Variants in FBN2 observed in about 807,000 individuals in gnomAD.
FBN2 encodes fibrillin-2.
A neutral mutation model predicts 355.6 loss-of-function variants in FBN2; 105 were observed. The ratio of observed to expected loss-of-function variants is 0.30; its 90% CI spans 0.25 to 0.35. The LOEUF (loss-of-function observed/expected upper bound fraction) is 0.35. FBN2 is among the 10% of genes least tolerant of loss of function. The pLI is 1.00. For missense variants in FBN2, 3,280 were observed against 3,758.7 expected (o/e 0.87, Z 3.33); for synonymous variants, 1,350 against 1,301.2 (o/e 1.04, Z -0.81).
intron 5 of FBN2, among the ~76,000 whole-genome samples, chr5:128,472,395 G>T (rs1754885295): frequency 6.6e-6 from 1 of 152,048 alleles, no homozygotes; most frequent in African/African-American, 2.4e-5. Flanking sequence ...TTGTTTGAGG[G>T]GTAAGGAGAT....
intron 4 of FBN2, among the ~76,000 whole-genome samples, chr5:128,526,579 T>C (rs1216109649): frequency 6.6e-6 from 1 of 152,110 alleles, no homozygotes; most frequent in Non-Finnish European, 1.5e-5. Context: ...TGACACATGC[T>C]AAAACACGGA....
intron 8 of FBN2, among the ~76,000 whole-genome samples, chr5:128,406,626 T>G (rs1413650093): frequency 1.3e-5 from 2 of 152,174 alleles, no homozygotes; most frequent in East Asian, 3.9e-4. Context: ...AGATGGCTAC[T>G]AAGTGACTAG....
rs536572224 is a variant in FBN2, at chr5:128,297,553, C to T, written c.6166+3264G>A. On this transcript the variant is annotated intron_variant, in intron 48 of 64. Coordinates refer to ENST00000262464, the MANE Select transcript of FBN2 (RefSeq NM_001999.4). ...GGGTGCATATATATTTAGGACAGTTCACTCTTCTTGTTGAATTGATCCCTT... is the reference window on the plus strand; with the variant it reads ...GGGTGCATATATATTTAGGACAGTTTACTCTTCTTGTTGAATTGATCCCTT... Among the ~76,000 whole-genome samples, 10 of 152,264 alleles carry T rather than the reference C, an allele frequency of 6.6e-5. No individual in the cohort carries two copies. In the East Asian group the frequency reaches 1.9e-3, roughly 29 times the overall value.
At chr5:128,511,205 C>G (rs1278440099) in intron 5 of FBN2, among the ~76,000 whole-genome samples, 1 of 152,114 alleles carries the variant, frequency 6.6e-6, no homozygotes, top group Non-Finnish European at 1.5e-5. Flanking sequence ...CTAAGAGATT[C>G]CACCCTTCAT....
intron 5 of FBN2, among the ~76,000 whole-genome samples, chr5:128,492,639 C>T (rs1400165480): frequency 6.6e-6 from 1 of 151,760 alleles, no homozygotes; most frequent in African/African-American, 2.4e-5. Context: ...CCTGTCTCTA[C>T]TAAAAATACA....
Position 128,310,046 on chromosome 5 carries a change from C to G in FBN2, c.5137G>C (p.Gly1713Arg), listed in dbSNP as rs753594825. Residue 1713 changes from glycine to arginine, a missense_variant, in exon 40 of 65, where the codon GGA becomes CGA. Coordinates refer to ENST00000262464, the MANE Select transcript of FBN2 (RefSeq NM_001999.4). ...GGTGGGCAAATGCAGGTGTAATTTC[C>G]CAGGGTGTTATAGCAGGTCCCAGGC... ...CGPGTCYNTL[G>R]NYTCICPPEY... 1.2e-6 allele frequency: 2 copies of G among 1,613,768 alleles called. No individual in the cohort carries two copies. The highest frequency in any genetic ancestry group is 2.2e-5 in the South Asian group (2 of 91,058).
rs1355994517 is a variant in FBN2 at position 128,286,857 on chromosome 5, A to C, written c.6881-8T>G. On this transcript the variant is annotated splice_polypyrimidine_tract_variant and splice_region_variant and intron_variant, in intron 54 of 64. Transcript: ENST00000262464. ...CAGCACATTCATCCAGATCTAGAAC[A>C]AAAAATAAAAATTAAAAATTATCTG... 2.8e-5 allele frequency: 45 copies of C among 1,613,572 alleles called. No homozygotes were observed. The highest frequency in any genetic ancestry group is 3.7e-5 in the Non-Finnish European group (44 of 1,179,700).
At chr5:128,362,428 C>T (rs1016723080) in intron 18 of FBN2, among the ~76,000 whole-genome samples, 1 of 152,180 alleles carries the variant, frequency 6.6e-6, no homozygotes, top group African/African-American at 2.4e-5. Context: ...TAGAGAATAT[C>T]ATCTAAAACT....
chr5:128,444,814 G>A (rs571440483), intron 7 of FBN2, among the ~76,000 whole-genome samples: 3 of 152,170 alleles, frequency 2.0e-5, no homozygotes, highest in Non-Finnish European at 4.4e-5. Context: ...TACATTGTTC[G>A]ATGTGCATTA....
At chr5:128,408,888 ATTCATGGTT>A in intron 7 of FBN2, 89 bp from the exon 8 acceptor site, 1 of 1,432,946 alleles carries the variant, frequency 7.0e-7, no homozygotes, top group South Asian at 1.2e-5. Context: ...GTATGAGAGC[ATTCATGGTT>A]GATTAGGTCA....
intron 5 of FBN2, among the ~76,000 whole-genome samples, chr5:128,485,941 G>C (rs548070500): frequency 5.9e-4 from 90 of 152,182 alleles, no homozygotes; most frequent in Non-Finnish European, 1.0e-3. Context: ...TAAGAACACA[G>C]TGCTTCTAAA....
intron 11 of FBN2, among the ~76,000 whole-genome samples, chr5:128,379,893 A>G (rs768355018): frequency 2.0e-5 from 3 of 152,124 alleles, no homozygotes; most frequent in Non-Finnish European, 2.9e-5. Flanking sequence ...GAACATAACA[A>G]TAAAATCAGT....
At chr5:128,516,063 C>G (rs6887851) in intron 5 of FBN2, among the ~76,000 whole-genome samples, 1 of 152,112 alleles carries the variant, frequency 6.6e-6, no homozygotes, top group South Asian at 2.1e-4. Context: ...GCCACATTTG[C>G]GATCAAGTAA....
intron 20 of FBN2, among the ~76,000 whole-genome samples, chr5:128,355,923 A>G (rs1054385530): frequency 5.3e-5 from 8 of 152,226 alleles, no homozygotes; most frequent in African/African-American, 1.9e-4. Flanking sequence ...GTTAATAAAT[A>G]TAAGGGCAAA....
At chr5:128,503,621 T>C (rs1357406254) in intron 5 of FBN2, among the ~76,000 whole-genome samples, 2 of 152,192 alleles carry the variant, frequency 1.3e-5, no homozygotes, top group African/African-American at 4.8e-5. Context: ...TAGAGGTCTG[T>C]GGAACTTCGA....
chr5:128,529,055 A>G (rs1756641441), intron 3 of FBN2, among the ~76,000 whole-genome samples: 2 of 152,256 alleles, frequency 1.3e-5, no homozygotes, highest in South Asian at 4.1e-4. Context: ...GTGTGGTTCA[A>G]GTAGCCTGTG....
intron 11 of FBN2, among the ~76,000 whole-genome samples, chr5:128,389,209 C>G (rs921852884): frequency 3.3e-5 from 5 of 152,108 alleles, no homozygotes; most frequent in Non-Finnish European, 7.3e-5. Context: ...TAAGAACATG[C>G]CAGTGGTGAT....
At chr5:128,270,059 A>G (rs547819831) in intron 62 of FBN2, among the ~76,000 whole-genome samples, 1 of 152,300 alleles carries the variant, frequency 6.6e-6, no homozygotes, top group African/African-American at 2.4e-5. Flanking sequence ...CAACCATCTG[A>G]TCTTTGACAA....
intron 7 of FBN2, among the ~76,000 whole-genome samples, chr5:128,444,580 T>G (rs907631338): frequency 2.6e-5 from 4 of 152,224 alleles, no homozygotes; most frequent in Non-Finnish European, 4.4e-5. Context: ...GGGCAATGGT[T>G]AAATGGATTT....
Sources: gnomAD v4.1 joint callset for allele counts (sites outside exome capture counted in the v4.1 genomes callset) on GRCh38, gnomAD v4.1.1 for gene constraint, MANE v1.5 for transcripts, NCBI Gene and HGNC (gene_info 2026-07-23, HGNC 2026-07-21) for gene names.